The following COL21A1 variants were observed in gnomAD, a reference collection of about 807,000 sequenced individuals.
The protein encoded by COL21A1 is collagen alpha-1(XXI) chain.
In COL21A1, 149 loss-of-function variants were observed where a neutral mutation model predicts 137.9. That is an observed-to-expected ratio of 1.08 (90% CI 0.95 to 1.24). The LOEUF (loss-of-function observed/expected upper bound fraction) is 1.24, where lower values mean the gene tolerates loss of function less well. Among genes scored for constraint, COL21A1 ranks in the 50% most tolerant of loss-of-function variants. COL21A1 has a pLI of 0.00. For synonymous variants in COL21A1, 456 were observed against 391.5 expected (o/e 1.16, Z -1.95); for missense variants, 1,167 against 1,158.4 (o/e 1.01, Z -0.11).
At chr6:56,375,990 G>A (rs568813173) in intron 1 of COL21A1, among the ~76,000 whole-genome samples, 19 of 152,270 alleles carry the variant, frequency 1.2e-4, no homozygotes, top group Admixed American at 7.2e-4. Flanking sequence ...GGATTTGGTT[G>A]TTTAGGAAAC....
At chr6:56,197,859 TCCA>T (rs1779129137) in intron 1 of COL21A1, among the ~76,000 whole-genome samples, 1 of 152,108 alleles carries the variant, frequency 6.6e-6, no homozygotes, top group African/African-American at 2.4e-5. Flanking sequence ...TGGAGATGTT[TCCA>T]AAGGAAATAA....
intron 1 of COL21A1, among the ~76,000 whole-genome samples, chr6:56,351,950 CA>C (rs1393357581): frequency 6.6e-6 from 1 of 151,786 alleles, no homozygotes; most frequent in Non-Finnish European, 1.5e-5. Context: ...ATAGGGGGAC[CA>C]AAAAACTCAG....
At chr6:56,228,889 G>A (rs1014351849) in intron 1 of COL21A1, among the ~76,000 whole-genome samples, 3 of 151,786 alleles carry the variant, frequency 2.0e-5, no homozygotes, top group Admixed American at 6.6e-5. Flanking sequence ...AAATTCAAAT[G>A]TTCCAAGAAT....
At position 56,185,426 on chromosome 6, in the gene COL21A1, C is replaced by CTTTTTTTTT. The variant is rs777045553; in HGVS notation, c.-38-2779_-38-2771dup. ...TAAGTGGACAGGCGAAATGAACAGT[C>CTTTTTTTTT]TTTTTTTTTTTTTTTTTTTTGAGAC... On this transcript the variant is annotated intron_variant, in intron 1 of 29. Coordinates refer to ENST00000244728, the MANE Select transcript of COL21A1 (RefSeq NM_030820.4). Among the ~76,000 whole-genome samples, 184 of 100,134 alleles carry CTTTTTTTTT rather than the reference C, an allele frequency of 1.8e-3. 4 individuals carry two copies. Among genetic ancestry groups the CTTTTTTTTT allele is most frequent in the Non-Finnish European group, 2.1e-3 (115 of 53,902 alleles). The allele number at this position is 100,134 out of a possible 152,430, so 65.7% of individuals were successfully genotyped here.
At chr6:56,204,319 T>G (rs1779611330) in intron 1 of COL21A1, among the ~76,000 whole-genome samples, 1 of 152,006 alleles carries the variant, frequency 6.6e-6, no homozygotes, top group African/African-American at 2.4e-5. Flanking sequence ...GAGACTTGAG[T>G]AGGTGGTTTA....
At chr6:56,343,457 C>A (rs1255883015) in intron 1 of COL21A1, among the ~76,000 whole-genome samples, 1 of 152,182 alleles carries the variant, frequency 6.6e-6, no homozygotes, top group African/African-American at 2.4e-5. Context: ...GAAGCAATAA[C>A]TGTCAACTTC....
At chr6:56,185,476 C>T (rs1354048764) in intron 1 of COL21A1, among the ~76,000 whole-genome samples, 2 of 143,162 alleles carry the variant, frequency 1.4e-5, no homozygotes, top group Non-Finnish European at 3.0e-5. Context: ...TCGCCCAGGC[C>T]GGACTGCGGA....
chr6:56,247,427 C>T lies in COL21A1; in HGVS notation c.-79G>A, dbSNP rs1370944722. ...GGCTCGGGGTTGCCGTCGCAGCCAG[C>T]TGAGTGTTGCGCCAGGGGGACAGGT... On this transcript the variant is annotated 5_prime_UTR_variant, in exon 1 of 30. Transcript: ENST00000244728. 6.6e-6 allele frequency: 1 copy of T among 152,252 alleles called. No individual in the cohort carries two copies. The highest frequency in any genetic ancestry group is 2.4e-5 in the African/African-American group (1 of 41,412). The allele number at this position is 152,252 out of a possible 1,614,324, so 9.4% of individuals were successfully genotyped here. A position where few individuals can be genotyped will look rare whatever the true frequency, so the allele number is the denominator to read the frequency against.
intron 1 of COL21A1, among the ~76,000 whole-genome samples, chr6:56,288,255 A>G (rs6903847): frequency 0.48 from 40,054 of 82,882 alleles, 6,604 homozygotes; most frequent in Non-Finnish European, 0.55. Context: ...AAAATAAAAG[A>G]AAAAAAAAAG....
At chr6:56,256,412 T>C (rs60073328) in intron 1 of COL21A1, among the ~76,000 whole-genome samples, 1,795 of 152,288 alleles carry the variant, frequency 0.012, 37 homozygotes, top group African/African-American at 0.041. Context: ...GCATTTTCAT[T>C]CTAAGTGAAA....
chr6:56,160,105 A>G (rs1392733370), intron 9 of COL21A1, among the ~76,000 whole-genome samples: 1 of 152,178 alleles, frequency 6.6e-6, no homozygotes, highest in Non-Finnish European at 1.5e-5. Flanking sequence ...GCAAAAACTC[A>G]GGTAGGTTTG....
At position 56,253,880 on chromosome 6, in the gene COL21A1, A is replaced by T. The variant is rs117997495; in HGVS notation, c.-38-71224T>A. On this transcript the variant is annotated intron_variant, in intron 1 of 28. Coordinates refer to the COL21A1 transcript ENST00000370819. ...CCAAAACCTCAAGGAAATTTGACTG[A>T]TTCTAATTTGGTTAAGTAACCTGCA... Among the ~76,000 whole-genome samples, 5 of 152,376 alleles carry T rather than the reference A, an allele frequency of 3.3e-5. No individual in the cohort carries two copies. In the East Asian group the frequency reaches 9.6e-4, roughly 29 times the overall value.
At position 56,384,273 on chromosome 6, in the gene COL21A1, C is replaced by T. The variant is rs150693251; in HGVS notation, c.-39+9698G>A. ...TAAGGTACAACTACCACTCTCACAC[C>T]CTCCCTGGCAGGTCCTTCCAATTGC... On this transcript the variant is annotated intron_variant, in intron 1 of 28. Coordinates refer to the COL21A1 transcript ENST00000370819. Among the ~76,000 whole-genome samples the T allele has an allele frequency of 3.4e-3, 515 of 152,272 alleles. 1 individual carries two copies. The highest frequency in any genetic ancestry group is 0.012 in the African/African-American group (492 of 41,556).
chr6:56,219,871 A>G (rs557137972), intron 1 of COL21A1, among the ~76,000 whole-genome samples: 2 of 152,256 alleles, frequency 1.3e-5, no homozygotes, highest in East Asian at 1.9e-4. Flanking sequence ...GAATACCTCT[A>G]TTTATTAAAT....
At chr6:56,124,028 T>C (rs1772789914) in intron 16 of COL21A1, 34 bp downstream of exon 16, 1 of 1,462,190 alleles carries the variant, frequency 6.8e-7, no homozygotes, top group African/African-American at 1.5e-5. Context: ...CAAAAATCTT[T>C]TTGTTTTGTC....
chr6:56,283,648 C>T (rs1763833912), intron 1 of COL21A1, among the ~76,000 whole-genome samples: 2 of 152,002 alleles, frequency 1.3e-5, no homozygotes, highest in Admixed American at 1.3e-4. Flanking sequence ...ATGAAAGAAC[C>T]ACAAACAAGA....
chr6:56,363,846 A>C (rs1204239945), intron 1 of COL21A1, among the ~76,000 whole-genome samples: 1 of 152,232 alleles, frequency 6.6e-6, no homozygotes, highest in East Asian at 1.9e-4. Flanking sequence ...ACTACTTCAG[A>C]AATCTGAGAA....
intron 1 of COL21A1, among the ~76,000 whole-genome samples, chr6:56,205,360 C>G (rs570227420): frequency 1.3e-5 from 2 of 151,906 alleles, no homozygotes; most frequent in Non-Finnish European, 2.9e-5. Context: ...ATAGCCAAAT[C>G]GATCAAGAGG....
Position 56,308,741 on chromosome 6 carries a change from AAAAC to A in COL21A1, c.-39+85226_-39+85229del, listed in dbSNP as rs200154886. On this transcript the variant is annotated intron_variant, in intron 1 of 28. Coordinates refer to the COL21A1 transcript ENST00000370819. ...TCTCGTTAAATGTTCTTACTACAAA[AAAAC>A]AAATAAGATTTAAAGCTCAATTTCT... Among the ~76,000 whole-genome samples, 11 of 39,374 alleles carry A rather than the reference AAAAC, an allele frequency of 2.8e-4. No individual in the cohort carries two copies. In the East Asian group the frequency reaches 3.7e-3, roughly 13 times the overall value. The allele number at this position is 39,374 out of a possible 152,430, so 25.8% of individuals were successfully genotyped here.
Sources: gnomAD v4.1 joint callset for allele counts (sites outside exome capture counted in the v4.1 genomes callset) on GRCh38, gnomAD v4.1.1 for gene constraint, MANE v1.5 for transcripts, NCBI Gene and HGNC (gene_info 2026-07-23, HGNC 2026-07-21) for gene names.